The following CNTN6 variants were observed in gnomAD, a reference collection of about 807,000 sequenced individuals.
CNTN6 encodes the protein contactin-6.
CNTN6 carries 137 observed loss-of-function variants against 122.8 expected under a neutral mutation model. The ratio of observed to expected loss-of-function variants is 1.12; its 90% confidence interval spans 0.97 to 1.29. CNTN6 has a LOEUF of 1.29. CNTN6 is among the 50% of genes most tolerant of loss of function. The pLI is 0.00. For synonymous variants in CNTN6, 570 were observed against 426.0 expected (o/e 1.34, Z -4.16); for missense variants, 1,634 against 1,223.4 (o/e 1.34, Z -5.01).
chr3:1,384,801 A>ACC (rs1692598543), intron 19 of CNTN6, among the ~76,000 whole-genome samples: 1 of 134,082 alleles, frequency 7.5e-6, no homozygotes, highest in African/African-American at 2.8e-5. Context: ...ATATATACAC[A>ACC]CACACACACA....
At position 1,383,044 on chromosome 3, in the gene CNTN6, G is replaced by A; in HGVS notation, c.2269G>A (p.Glu757Lys). 2 of 1,614,024 alleles carry A rather than the reference G, an allele frequency of 1.2e-6. No individual in the cohort carries two copies. Among genetic ancestry groups the A allele is most frequent in the Non-Finnish European group, 8.5e-7 (1 of 1,179,944 alleles). ...GTCCAAGGAGAAAGTGTCATCTGTG[G>A]AATCATCAAGGTTTGTCTACAGAAA... ...TWSKEKVSSV[E>K]SSRFVYRNES... Residue 757 changes from glutamate (E) to lysine (K), a missense_variant, in exon 18 of 23, where the codon GAA becomes AAA. By Grantham distance (56) the Glu-to-Lys change is moderately conservative (BLOSUM62 1). Transcript: ENST00000446702.
chr3:1,399,159 C>G (rs1440986181), intron 20 of CNTN6, among the ~76,000 whole-genome samples: 1 of 151,986 alleles, frequency 6.6e-6, no homozygotes, highest in East Asian at 1.9e-4. Context: ...TTTGTATTTT[C>G]TCTGTATTGA....
At chr3:1,156,800 C>T (rs918096676) in intron 2 of CNTN6, among the ~76,000 whole-genome samples, 4 of 151,854 alleles carry the variant, frequency 2.6e-5, no homozygotes, top group Admixed American at 6.6e-5. Context: ...TTACTGCTGG[C>T]TTGACCTCCT....
At chr3:1,286,270 CACGTGCCAT>C (rs1475951380) in intron 5 of CNTN6, among the ~76,000 whole-genome samples, 1 of 152,074 alleles carries the variant, frequency 6.6e-6, no homozygotes, top group Non-Finnish European at 1.5e-5. Context: ...CATAGGTGTA[CACGTGCCAT>C]GGTGGTTTGC....
intron 1 of CNTN6, among the ~76,000 whole-genome samples, chr3:1,141,435 A>G (rs2092605992): frequency 6.6e-6 from 1 of 152,208 alleles, no homozygotes; most frequent in Non-Finnish European, 1.5e-5. Context: ...AACTAAATCC[A>G]CACCAGTAAG....
intron 2 of CNTN6, among the ~76,000 whole-genome samples, chr3:1,200,068 ATT>A (rs2093840048): frequency 6.6e-6 from 1 of 151,920 alleles, no homozygotes; most frequent in African/African-American, 2.4e-5. Context: ...ATATATATAT[ATT>A]TTTTAAGATG....
chr3:1,177,730 T>C (rs1387037909), intron 2 of CNTN6, among the ~76,000 whole-genome samples: 1 of 152,106 alleles, frequency 6.6e-6, no homozygotes, highest in Admixed American at 6.5e-5. Context: ...CTTACATGCA[T>C]GATTTCTGAA....
intron 2 of CNTN6, among the ~76,000 whole-genome samples, chr3:1,187,915 G>A (rs570420144): frequency 3.9e-5 from 6 of 152,078 alleles, no homozygotes; most frequent in Admixed American, 3.9e-4. Context: ...GTTCTTTCCT[G>A]TGCACTTCCT....
At chr3:1,333,761 TATTTTGACA>T (rs1315773266) in intron 11 of CNTN6, among the ~76,000 whole-genome samples, 3 of 152,118 alleles carry the variant, frequency 2.0e-5, no homozygotes, top group Admixed American at 6.6e-5. Flanking sequence ...GCAGTATATA[TATTTTGACA>T]ATTTCTTCTA....
chr3:1,266,381 A>G (rs1426659027), intron 4 of CNTN6, among the ~76,000 whole-genome samples: 1 of 152,056 alleles, frequency 6.6e-6, no homozygotes, highest in Non-Finnish European at 1.5e-5. Context: ...CCCTGCAGTC[A>G]CTCTCCCGAA....
intron 19 of CNTN6, among the ~76,000 whole-genome samples, chr3:1,383,809 C>T (rs984414347): frequency 1.3e-5 from 2 of 151,818 alleles, no homozygotes; most frequent in African/African-American, 4.9e-5. Context: ...TAATTACATG[C>T]AAATTAATGG....
intron 4 of CNTN6, among the ~76,000 whole-genome samples, chr3:1,235,052 C>A (rs1261590369): frequency 6.6e-6 from 1 of 152,146 alleles, no homozygotes; most frequent in African/African-American, 2.4e-5. Context: ...CCCACACTAT[C>A]GCTGCTGGAA....
chr3:1,189,901 T>C (rs1328088499), intron 2 of CNTN6, among the ~76,000 whole-genome samples: 1 of 152,200 alleles, frequency 6.6e-6, no homozygotes, highest in Non-Finnish European at 1.5e-5. Context: ...TTCTATTGCA[T>C]ATCACAAAAT....
chr3:1,360,327 A>G (rs189293025), intron 12 of CNTN6, among the ~76,000 whole-genome samples: 203 of 152,150 alleles, frequency 1.3e-3, no homozygotes, highest in Non-Finnish European at 1.9e-3. Flanking sequence ...TTTCAAGATA[A>G]TGTGTCATGT....
chr3:1,112,482 A>AC (rs930550592), intron 1 of CNTN6, among the ~76,000 whole-genome samples: 5 of 152,036 alleles, frequency 3.3e-5, no homozygotes, highest in African/African-American at 1.2e-4. Flanking sequence ...CTTCTGTGTA[A>AC]CTCCAAAAGC....
At chr3:1,335,924 T>A (rs1207044533) in intron 11 of CNTN6, among the ~76,000 whole-genome samples, 1 of 151,906 alleles carries the variant, frequency 6.6e-6, no homozygotes, top group African/African-American at 2.4e-5. Context: ...TGGTGCCAGC[T>A]AATGGATGGG....
chr3:1,209,964 A>G (rs905628723), intron 2 of CNTN6, among the ~76,000 whole-genome samples: 2 of 152,210 alleles, frequency 1.3e-5, no homozygotes, highest in Non-Finnish European at 2.9e-5. Context: ...AGTAAGATGT[A>G]TCTCTCTACT....
At chr3:1,267,897 C>A (rs564107479) in intron 4 of CNTN6, among the ~76,000 whole-genome samples, 1 of 149,934 alleles carries the variant, frequency 6.7e-6, no homozygotes, top group East Asian at 1.9e-4. Context: ...AAAAAAAAAA[C>A]ACGTCCCTTG....
chr3:1,269,402 C>T (rs1365831226), intron 4 of CNTN6, among the ~76,000 whole-genome samples: 6 of 152,168 alleles, frequency 3.9e-5, no homozygotes, highest in Admixed American at 2.0e-4. Context: ...CACCAAAGGC[C>T]AGTTGCCTTT....
Sources: allele counts gnomAD v4.1 joint callset (sites outside exome capture counted in the v4.1 genomes callset), GRCh38; gene constraint gnomAD v4.1.1; transcripts MANE v1.5; gene names NCBI Gene and HGNC (gene_info 2026-07-23, HGNC 2026-07-21).